TGOLN2: variants seen among roughly 807,000 people sequenced by gnomAD.
The protein encoded by TGOLN2 is trans-golgi network protein 2.
In TGOLN2, 19 loss-of-function variants were observed where a neutral mutation model predicts 31.3. The observed-to-expected ratio is 0.61, with a 90% CI of 0.42 to 0.89. TGOLN2 has a LOEUF of 0.89. Ranked by LOEUF, TGOLN2 falls within the 40% of genes least tolerant of loss-of-function variation. TGOLN2 has a pLI of 0.00. For missense variants in TGOLN2, 540 were observed against 559.2 expected (o/e 0.97, Z 0.35); for synonymous variants, 222 against 226.7 (o/e 0.98, Z 0.19).
In TGOLN2 at chr2:85,326,697, C is replaced by G; in HGVS notation, c.1035G>C (p.Lys345Asn). 6.2e-7 allele frequency: 1 copy of G among 1,614,070 alleles called. No individual in the cohort carries two copies. The highest frequency in any genetic ancestry group is 8.5e-7 in the Non-Finnish European group (1 of 1,179,904). Residue 345 changes from lysine (K) to asparagine (N), a missense_variant, in exon 2 of 4, where the codon AAG becomes AAC. By Grantham distance (94) the Lys-to-Asn change is moderately conservative. Coordinates refer to ENST00000377386, the MANE Select transcript of TGOLN2 (RefSeq NM_006464.4). Reference sequence around the variant, plus strand: ...TCTCACTGGAGGCAGAACCGGACATCTTTTCTTTCTCTTCTTTGGGCGGTG... The same window carrying G: ...TCTCACTGGAGGCAGAACCGGACATGTTTTCTTTCTCTTCTTTGGGCGGTG... The part of the protein sequence containing the change: ...EGSPPKEEKE[K>N]MSGSASSENR...
In TGOLN2 at chr2:85,322,643, A is replaced by G. The variant is rs1272292786; in HGVS notation, c.*93T>C. On this transcript the variant is annotated 3_prime_UTR_variant, in exon 4 of 4. Coordinates refer to ENST00000377386, the MANE Select transcript of TGOLN2 (RefSeq NM_006464.4). Reference sequence around the variant, plus strand: ...TTAGAAACAAATCAGCAGGGAGGACAAGGTTCTCAAGGACAAAAAAATCAA... The same window carrying G: ...TTAGAAACAAATCAGCAGGGAGGACGAGGTTCTCAAGGACAAAAAAATCAA... 1.3e-6 allele frequency: 2 copies of G among 1,590,968 alleles called. No homozygotes were observed. Among genetic ancestry groups the G allele is most frequent in the Non-Finnish European group, 1.7e-6 (2 of 1,173,316 alleles).
In TGOLN2 at chr2:85,320,274, A is replaced by G. The variant is rs1228506332; in HGVS notation, c.*2462T>C. 6.6e-6 allele frequency: 1 copy of G among 152,196 alleles called. No individual in the cohort carries two copies. The highest frequency in any genetic ancestry group is 1.5e-5 in the Non-Finnish European group (1 of 68,042). The allele number at this position is 152,196 out of a possible 1,614,324, so 9.4% of individuals were successfully genotyped here. A position where few individuals can be genotyped will look rare whatever the true frequency, so the allele number is the denominator to read the frequency against. On this transcript the variant is annotated 3_prime_UTR_variant, in exon 4 of 4. Transcript: ENST00000377386. ...TTCACACCAAAGCTTCAGACCAGGGAAAATATTTTGGAAAGATCAGTCTTT... is the reference window on the plus strand; with the variant it reads ...TTCACACCAAAGCTTCAGACCAGGGGAAATATTTTGGAAAGATCAGTCTTT...
intron 3 of TGOLN2, 21 bp from the exon 4 acceptor site, chr2:85,322,762 T>C (rs757428563): frequency 2.5e-6 from 4 of 1,609,760 alleles, no homozygotes; most frequent in Admixed American, 3.4e-5. Context: ...AAAAGATCTT[T>C]TAGGAGGTGC....
rs1682528053 is a variant in TGOLN2 at position 85,321,013 on chromosome 2, T to G, written c.*1723A>C. ...ATACTGGAGAAGTTGAGCAGCGGGATGAATAACAAATAGGACAGATGGGAA... is the reference window on the plus strand; with the variant it reads ...ATACTGGAGAAGTTGAGCAGCGGGAGGAATAACAAATAGGACAGATGGGAA... On this transcript the variant is annotated 3_prime_UTR_variant, in exon 4 of 4. Coordinates refer to ENST00000377386, the MANE Select transcript of TGOLN2 (RefSeq NM_006464.4). The G allele has an allele frequency of 1.3e-5, 2 of 151,982 alleles. No individual in the cohort carries two copies. Among genetic ancestry groups the G allele is most frequent in the Non-Finnish European group, 2.9e-5 (2 of 68,032 alleles). 9.4% of individuals were successfully genotyped at this position (151,982 alleles called of 1,614,324 possible).
In TGOLN2 at chr2:85,322,678, G is replaced by C; in HGVS notation, c.*58C>G. The C allele has an allele frequency of 1.1e-5, 18 of 1,607,098 alleles. No homozygotes were observed. Among genetic ancestry groups the C allele is most frequent in the Non-Finnish European group, 1.5e-5 (18 of 1,178,484 alleles). On this transcript the variant is annotated 3_prime_UTR_variant, in exon 4 of 4. Coordinates refer to ENST00000377386, the MANE Select transcript of TGOLN2 (RefSeq NM_006464.4). ...AGGACAAAAAAATCAAAGCTGAAAC[G>C]AGAGCAGCACAATCCATTGGTGACG...
In TGOLN2 at chr2:85,327,366, G is replaced by A. The variant is rs1199310473; in HGVS notation, c.366C>T (p.Ser122=). 3 of 1,612,964 alleles carry A rather than the reference G, an allele frequency of 1.9e-6. No homozygotes were observed. The highest frequency in any genetic ancestry group is 2.5e-6 in the Non-Finnish European group (3 of 1,179,684). ...SGSEAQTTKD[S]TSKSHPELQT... Reference sequence around the variant, plus strand: ...GCAGCTCCGGATGCGACTTACTAGTGCTGTCTTTTGTGGTCTGCGCCTCCG... The same window carrying A: ...GCAGCTCCGGATGCGACTTACTAGTACTGTCTTTTGTGGTCTGCGCCTCCG... Residue 122 remains serine (S), a synonymous_variant, in exon 2 of 4, where the codon AGC becomes AGT. Coordinates refer to ENST00000377386, the MANE Select transcript of TGOLN2 (RefSeq NM_006464.4).
chr2:85,326,067 G>A (rs1245729324), intron 2 of TGOLN2, among the ~76,000 whole-genome samples: 1 of 145,720 alleles, frequency 6.9e-6, no homozygotes, highest in East Asian at 1.9e-4. Context: ...CGAAGACGCA[G>A]TAATTGAAAC....
intron 2 of TGOLN2, among the ~76,000 whole-genome samples, chr2:85,325,292 A>C (rs531966471): frequency 8.5e-5 from 13 of 152,320 alleles, no homozygotes; most frequent in Non-Finnish European, 1.8e-4. Context: ...TCAAAGATCT[A>C]TCAACTCCTT....
chr2:85,318,654 C>G lies in TGOLN2; in HGVS notation c.*4082G>C, dbSNP rs1472711089. The G allele has an allele frequency of 6.6e-6, 1 of 152,276 alleles. No individual in the cohort carries two copies. Among genetic ancestry groups the G allele is most frequent in the Non-Finnish European group, 1.5e-5 (1 of 68,074 alleles). 9.4% of individuals were successfully genotyped at this position (152,276 alleles called of 1,614,324 possible). ...GCATCTGGCATCAGGTTACCCTGTA[C>G]AGTCAACGGCCATAGAAGTCGCCAG... is the stretch of plus-strand genomic sequence containing the variant. On this transcript the variant is annotated 3_prime_UTR_variant, in exon 4 of 4. Transcript: ENST00000377386.
rs763390008 is a variant in TGOLN2, at chr2:85,327,913, T to A, written c.46+4A>T. ...AGAGTGGGATGCGGGATGGAGGGTC[T>A]TACCCGCCGCTGCGACGTTCAGGAG... On this transcript the variant is annotated splice_donor_region_variant and intron_variant, in intron 1 of 3. Coordinates refer to ENST00000377386, the MANE Select transcript of TGOLN2 (RefSeq NM_006464.4). 1.2e-5 allele frequency: 19 copies of A among 1,596,168 alleles called. No homozygotes were observed. The African/African-American group carries it at 2.3e-4, about 19-fold the overall frequency.
Position 85,322,641 on chromosome 2 carries a change from A to T in TGOLN2, c.*95T>A, listed in dbSNP as rs1682586738. The T allele has an allele frequency of 2.5e-6, 4 of 1,590,180 alleles. No homozygotes were observed. Among genetic ancestry groups the T allele is most frequent in the Non-Finnish European group, 3.4e-6 (4 of 1,172,800 alleles). ...ATTTAGAAACAAATCAGCAGGGAGGACAAGGTTCTCAAGGACAAAAAAATC... is the reference window on the plus strand; with the variant it reads ...ATTTAGAAACAAATCAGCAGGGAGGTCAAGGTTCTCAAGGACAAAAAAATC... On this transcript the variant is annotated 3_prime_UTR_variant, in exon 4 of 4. Transcript: ENST00000377386.
chr2:85,326,957 G>A lies in TGOLN2; in HGVS notation c.775C>T (p.Arg259Trp), dbSNP rs4247303. 0.51 allele frequency: 824,195 copies of A among 1,613,742 alleles called. 216,905 individuals carry two copies. The highest frequency in any genetic ancestry group is 0.86 in the East Asian group (38,579 of 44,864). The change falls in exon 2 of 4, where the codon CGG (arginine) becomes TGG (tryptophan). Residue 259 changes from arginine to tryptophan, a missense_variant. Physicochemically the swap from Arg to Trp is moderately radical, Grantham distance 101 (BLOSUM62 -3). Transcript: ENST00000377386. Reference protein sequence around the residue: ...PNKVVPEQPSRKDHSKPISNP... With the variant: ...PNKVVPEQPSWKDHSKPISNP... ...GAGATGGGCTTGGAATGGTCTTTCC[G>A]GGAAGGCTGCTCTGGAACCACCTTG...
chr2:85,326,153 G>A (rs1682721355), intron 2 of TGOLN2, among the ~76,000 whole-genome samples: 2 of 152,290 alleles, frequency 1.3e-5, no homozygotes, highest in South Asian at 2.1e-4. Flanking sequence ...TCTCAAGAAG[G>A]GAAATAGGAT....
At position 85,327,924 on chromosome 2, in the gene TGOLN2, T is replaced by G. The variant is rs375125354; in HGVS notation, c.39A>C (p.Ala13=). The G allele has an allele frequency of 7.5e-6, 12 of 1,603,552 alleles. No homozygotes were observed. The highest frequency in any genetic ancestry group is 6.0e-6 in the Non-Finnish European group (7 of 1,175,608). Residue 13 remains alanine (A), a synonymous_variant, in exon 1 of 4, where the codon GCA becomes GCC. Coordinates refer to ENST00000377386, the MANE Select transcript of TGOLN2 (RefSeq NM_006464.4). ...FVVALVLLNV[A]AAGAVPLLAT... The stretch of plus-strand genomic sequence containing the variant: ...CGGGATGGAGGGTCTTACCCGCCGC[T>G]GCGACGTTCAGGAGGACCAAGGCAA...
chr2:85,325,767 T>G lies in TGOLN2; in HGVS notation c.1224+741A>C, dbSNP rs553352011. ...TGCTGGGATTAGAGGCAGGAGCCAC[T>G]GCACCGGGCCAGGAATGCACATTTT... On this transcript the variant is annotated intron_variant, in intron 2 of 3. Transcript: ENST00000377386. 3.6e-3 allele frequency among the ~76,000 whole-genome samples: 543 copies of G among 152,308 alleles called. 3 individuals carry two copies. Among genetic ancestry groups the G allele is most frequent in the African/African-American group, 0.012 (512 of 41,574 alleles).
At chr2:85,327,783 T>TTG in intron 1 of TGOLN2, 98 bp from the exon 2 acceptor site, 44 of 274,990 alleles carry the variant, frequency 1.6e-4, no homozygotes, top group Non-Finnish European at 2.6e-4. Context: ...GAATGGGGAT[T>TTG]GGGGGGTGGG....
intron 3 of TGOLN2, among the ~76,000 whole-genome samples, chr2:85,323,070 G>T (rs1018900367): frequency 1.3e-5 from 2 of 151,992 alleles, no homozygotes; most frequent in African/African-American, 4.8e-5. Flanking sequence ...CTCTGCCTCC[G>T]AAGTTCAAGC....
chr2:85,324,645 A>T (rs1657236618), intron 3 of TGOLN2: 1 of 470,634 alleles, frequency 2.1e-6, no homozygotes, highest in Admixed American at 3.8e-5. Flanking sequence ...AAAAAAAAAG[A>T]GTGTTTCTGC....
chr2:85,322,342 C>A lies in TGOLN2; in HGVS notation c.*394G>T, dbSNP rs763563189. The A allele has an allele frequency of 1.6e-5, 5 of 312,194 alleles. No individual in the cohort carries two copies. The highest frequency in any genetic ancestry group is 1.1e-4 in the African/African-American group (5 of 43,924). 19.3% of individuals were successfully genotyped at this position (312,194 alleles called of 1,614,324 possible). On this transcript the variant is annotated 3_prime_UTR_variant, in exon 4 of 4. Coordinates refer to ENST00000377386, the MANE Select transcript of TGOLN2 (RefSeq NM_006464.4). ...TCAAGGACCAACTTTCCTACAGAGCCCGGGCCCCAGGGAGGGTGGTCAGCA... is the reference window on the plus strand; with the variant it reads ...TCAAGGACCAACTTTCCTACAGAGCACGGGCCCCAGGGAGGGTGGTCAGCA...
Sources: allele counts gnomAD v4.1 joint callset (sites outside exome capture counted in the v4.1 genomes callset), GRCh38; gene constraint gnomAD v4.1.1; transcripts MANE v1.5; gene names NCBI Gene and HGNC (gene_info 2026-07-23, HGNC 2026-07-21).